SYN3: variants seen among roughly 807,000 people sequenced by gnomAD.
SYN3 encodes the protein synapsin-3.
Under a neutral mutation model 65.8 loss-of-function variants are expected in SYN3, and 35 were observed. The ratio of observed to expected loss-of-function variants is 0.53; its 90% confidence interval spans 0.41 to 0.70. The LOEUF (loss-of-function observed/expected upper bound fraction) is 0.70. SYN3 is among the 30% of genes least tolerant of loss of function. The pLI, the probability that SYN3 is intolerant of heterozygous loss-of-function variation, is 0.00. For missense variants in SYN3, 680 were observed against 749.0 expected (o/e 0.91, Z 1.08); for synonymous variants, 270 against 292.9 (o/e 0.92, Z 0.80).
At chr22:32,847,087 C>T (rs1050917964) in intron 6 of SYN3, among the ~76,000 whole-genome samples, 8 of 152,184 alleles carry the variant, frequency 5.3e-5, no homozygotes, top group Admixed American at 5.2e-4. Context: ...TCCCACACCC[C>T]CCGGCCAAGA....
intron 4 of SYN3, among the ~76,000 whole-genome samples, chr22:32,874,176 T>C (rs2048924114): frequency 6.6e-6 from 1 of 152,058 alleles, no homozygotes; most frequent in African/African-American, 2.4e-5. Flanking sequence ...CCCAACCTTT[T>C]AAGCCCCTTC....
intron 6 of SYN3, among the ~76,000 whole-genome samples, chr22:32,687,043 T>C (rs1205912808): frequency 6.6e-6 from 1 of 152,176 alleles, no homozygotes; most frequent in Non-Finnish European, 1.5e-5. Flanking sequence ...TCCCCTCCTA[T>C]AGCTTTCTCC....
intron 7 of SYN3, among the ~76,000 whole-genome samples, chr22:32,564,977 CTGGACTG>C (rs2058647701): frequency 2.1e-5 from 3 of 143,268 alleles, no homozygotes; most frequent in South Asian, 2.3e-4. Context: ...AACAGTGCTC[CTGGACTG>C]CACCCAAACA....
chr22:32,771,350 G>C (rs1275800083), intron 6 of SYN3, among the ~76,000 whole-genome samples: 1 of 152,216 alleles, frequency 6.6e-6, no homozygotes, highest in East Asian at 1.9e-4. Context: ...GGAGGAAAAA[G>C]GTTCAACCAC....
At chr22:32,722,198 C>T (rs779104375) in intron 6 of SYN3, among the ~76,000 whole-genome samples, 9 of 152,000 alleles carry the variant, frequency 5.9e-5, no homozygotes, top group Non-Finnish European at 1.0e-4. Context: ...CAAGCAGATG[C>T]CTTTGGTTGT....
At chr22:32,701,332 C>G (rs1342844379) in intron 6 of SYN3, among the ~76,000 whole-genome samples, 1 of 152,128 alleles carries the variant, frequency 6.6e-6, no homozygotes, top group Non-Finnish European at 1.5e-5. Context: ...TCTTGAAATA[C>G]ACACAACAAA....
intron 1 of SYN3, among the ~76,000 whole-genome samples, chr22:33,033,921 A>G (rs1168936111): frequency 2.0e-5 from 3 of 152,068 alleles, no homozygotes; most frequent in Admixed American, 2.0e-4. Context: ...ACGGTGGTTC[A>G]CGCCTATAAT....
chr22:32,981,041 G>T (rs1011754911), intron 2 of SYN3, among the ~76,000 whole-genome samples: 11 of 151,224 alleles, frequency 7.3e-5, no homozygotes, highest in African/African-American at 2.4e-4. Flanking sequence ...TTTTAGTAGA[G>T]ATGAGGTTTC....
At chr22:32,862,525 A>C (rs1372308928) in intron 6 of SYN3, 1 of 152,218 alleles carries the variant, frequency 6.6e-6, no homozygotes, top group African/African-American at 2.4e-5. Flanking sequence ...TCTGTCTTGC[A>C]TGTGACAATT....
In SYN3 at chr22:32,747,918, AG is replaced by A. The variant is rs1403882884; in HGVS notation, c.711+116996del. Reference sequence around the variant, plus strand: ...TGGCCACTATCTGCAAAGCTGGAGCAGCATAAAACTAATGATCCCAAGGGTG... The same window carrying A: ...TGGCCACTATCTGCAAAGCTGGAGCACATAAAACTAATGATCCCAAGGGTG... On this transcript the variant is annotated intron_variant, in intron 6 of 13. Transcript: ENST00000358763. Among the ~76,000 whole-genome samples the A allele has an allele frequency of 2.6e-5, 4 of 152,232 alleles. No homozygotes were observed. The East Asian group carries it at 7.7e-4, about 29-fold the overall frequency.
intron 3 of SYN3, among the ~76,000 whole-genome samples, chr22:32,950,537 T>C (rs2051257865): frequency 6.6e-6 from 1 of 152,202 alleles, no homozygotes; most frequent in African/African-American, 2.4e-5. Context: ...ATCTATGAGT[T>C]GGCAGCCATA....
At chr22:32,729,037 C>A (rs2061235629) in intron 6 of SYN3, among the ~76,000 whole-genome samples, 1 of 152,206 alleles carries the variant, frequency 6.6e-6, no homozygotes, top group South Asian at 2.1e-4. Flanking sequence ...CCCATCCTAA[C>A]TAGTGCTTCT....
intron 6 of SYN3, among the ~76,000 whole-genome samples, chr22:32,730,395 G>A (rs2061254645): frequency 6.6e-6 from 1 of 152,188 alleles, no homozygotes. Flanking sequence ...CCTTTAGAAT[G>A]GGCTAGACAC....
At chr22:33,020,108 CAGAGGCCCCACAGTCACAT>C (rs2053536220) in intron 1 of SYN3, among the ~76,000 whole-genome samples, 1 of 152,162 alleles carries the variant, frequency 6.6e-6, no homozygotes, top group Admixed American at 6.5e-5. Context: ...ACTCTGAACA[CAGAGGCCCCACAGTCACAT>C]AGAGGCCCCA....
chr22:32,964,047 G>A (rs1274609806), intron 3 of SYN3, among the ~76,000 whole-genome samples: 1 of 152,002 alleles, frequency 6.6e-6, no homozygotes. Flanking sequence ...TGGGCTGGGT[G>A]GGGAGGGCAC....
chr22:32,610,693 C>T (rs1458290707), intron 6 of SYN3, among the ~76,000 whole-genome samples: 1 of 152,154 alleles, frequency 6.6e-6, no homozygotes, highest in African/African-American at 2.4e-5. Flanking sequence ...AGCAATTCTC[C>T]TGCCTCAGCC....
intron 6 of SYN3, among the ~76,000 whole-genome samples, chr22:32,644,823 T>C (rs1444790942): frequency 1.3e-5 from 2 of 152,128 alleles, no homozygotes; most frequent in African/African-American, 2.4e-5. Context: ...GCTGTGGCCT[T>C]GGTGGCTTTT....
intron 3 of SYN3, among the ~76,000 whole-genome samples, chr22:32,969,372 C>T (rs558778937): frequency 2.6e-5 from 4 of 152,316 alleles, no homozygotes; most frequent in African/African-American, 9.6e-5. Flanking sequence ...CCCCAGCCCT[C>T]GCTGCTTGGA....
intron 4 of SYN3, among the ~76,000 whole-genome samples, chr22:32,910,868 C>A (rs550269055): frequency 6.6e-6 from 1 of 152,096 alleles, no homozygotes; most frequent in Non-Finnish European, 1.5e-5. Flanking sequence ...TTTTATCTAA[C>A]CTTTATAAGC....
Sources: allele counts gnomAD v4.1 joint callset (sites outside exome capture counted in the v4.1 genomes callset), GRCh38; gene constraint gnomAD v4.1.1; transcripts MANE v1.5; gene names NCBI Gene and HGNC (gene_info 2026-07-23, HGNC 2026-07-21).